PTPN18: variants seen among roughly 807,000 people sequenced by gnomAD.
PTPN18 encodes protein tyrosine phosphatase non-receptor type 18.
A neutral mutation model predicts 65.4 loss-of-function variants in PTPN18; 65 were observed. The observed-to-expected ratio is 0.99, with a 90% confidence interval of 0.81 to 1.22. The LOEUF is 1.22. Among genes scored for constraint, PTPN18 ranks in the 50% most tolerant of loss-of-function variants. PTPN18 has a pLI of 0.00. For synonymous variants in PTPN18, 255 were observed against 267.8 expected (o/e 0.95, Z 0.47); for missense variants, 616 against 646.5 (o/e 0.95, Z 0.51).
chr2:130,371,358 A>G, intron 12 of PTPN18, 71 bp downstream of exon 12: 1 of 1,318,304 alleles, frequency 7.6e-7, no homozygotes, highest in Non-Finnish European at 1.1e-6. Flanking sequence ...TCCTTGGAAC[A>G]CCAGTCCGTT....
intron 5 of PTPN18, among the ~76,000 whole-genome samples, chr2:130,367,050 A>ATT (rs57039741): frequency 0.022 from 2,306 of 104,058 alleles, 114 homozygotes; most frequent in African/African-American, 0.072. Context: ...GCTAATTTTA[A>ATT]TTTTTTTTTT....
chr2:130,356,204 A>G lies in PTPN18; in HGVS notation c.93+4A>G, dbSNP rs528610845. The G allele has an allele frequency of 2.7e-4, 359 of 1,318,162 alleles. 1 individual carries two copies. In the African/African-American group the frequency reaches 3.4e-3, roughly 12 times the overall value. 81.7% of individuals were successfully genotyped at this position (1,318,162 alleles called of 1,614,324 possible). A position where few individuals can be genotyped will look rare whatever the true frequency, so the allele number is the denominator to read the frequency against. On this transcript the variant is annotated splice_donor_region_variant and intron_variant, in intron 1 of 14. Transcript: ENST00000175756. ...AGTCCTCGCCGGCGAGTTCAGCGTG[A>G]GTGGCACACGGGGTCCGCGAGCGGC...
intron 6 of PTPN18, 102 bp from the exon 7 acceptor site, chr2:130,369,663 T>C (rs553203668): frequency 6.0e-4 from 751 of 1,246,864 alleles, no homozygotes; most frequent in Non-Finnish European, 8.0e-4. Context: ...TTTCTGTATT[T>C]GATTTTTTAA....
At chr2:130,361,512 C>CTT (rs1164838189) in intron 5 of PTPN18, among the ~76,000 whole-genome samples, 39 of 122,912 alleles carry the variant, frequency 3.2e-4, no homozygotes, top group African/African-American at 1.2e-3. Context: ...TCTTTTCTTT[C>CTT]TCTTTCTTTC....
chr2:130,359,318 T>C lies in PTPN18; in HGVS notation c.279+9T>C. 6.2e-7 allele frequency: 1 copy of C among 1,614,140 alleles called. No homozygotes were observed. Among genetic ancestry groups the C allele is most frequent in the Non-Finnish European group, 8.5e-7 (1 of 1,180,016 alleles). Reference sequence around the variant, plus strand: ...ATGGCAACTTCATCCGGGTGAGGGTTGGGGTCACGGAAGGAGGTGGACTGG... The same window carrying C: ...ATGGCAACTTCATCCGGGTGAGGGTCGGGGTCACGGAAGGAGGTGGACTGG... On this transcript the variant is annotated intron_variant, in intron 3 of 14. Coordinates refer to ENST00000175756, the MANE Select transcript of PTPN18 (RefSeq NM_014369.4).
At position 130,370,342 on chromosome 2, in the gene PTPN18, A is replaced by C. The variant is rs573235494; in HGVS notation, c.689+152A>C. Reference sequence around the variant, plus strand: ...GGACTGTAATTGTGAGCACTTGTTCAGCACAGACTCAGCTGGGGAATAAGC... The same window carrying C: ...GGACTGTAATTGTGAGCACTTGTTCCGCACAGACTCAGCTGGGGAATAAGC... On this transcript the variant is annotated intron_variant, in intron 8 of 14. Transcript: ENST00000175756. 1.2e-4 allele frequency: 144 copies of C among 1,249,592 alleles called. No individual in the cohort carries two copies. In the African/African-American group the frequency reaches 2.0e-3, roughly 17 times the overall value. 77.4% of individuals were successfully genotyped at this position (1,249,592 alleles called of 1,614,324 possible). A position where few individuals can be genotyped will look rare whatever the true frequency, so the allele number is the denominator to read the frequency against.
intron 5 of PTPN18, among the ~76,000 whole-genome samples, chr2:130,367,681 T>C (rs1680430432): frequency 6.6e-6 from 1 of 151,750 alleles, no homozygotes; most frequent in Non-Finnish European, 1.5e-5. Flanking sequence ...AAAAAAAAAT[T>C]TTTTTTTCTC....
chr2:130,357,968 AT>A (rs1680047441), intron 1 of PTPN18, among the ~76,000 whole-genome samples: 1 of 152,264 alleles, frequency 6.6e-6, no homozygotes, highest in South Asian at 2.1e-4. Flanking sequence ...AAAATATATA[AT>A]TATACAATAT....
Position 130,374,595 on chromosome 2 carries a change from C to T in PTPN18, c.*1371C>T, listed in dbSNP as rs754559732. 1 of 470,754 alleles carries T rather than the reference C, an allele frequency of 2.1e-6. No homozygotes were observed. The highest frequency in any genetic ancestry group is 1.5e-5 in the South Asian group (1 of 64,530). The allele number at this position is 470,754 out of a possible 1,614,324, so 29.2% of individuals were successfully genotyped here. On this transcript the variant is annotated 3_prime_UTR_variant, in exon 15 of 15. Coordinates refer to ENST00000175756, the MANE Select transcript of PTPN18 (RefSeq NM_014369.4). Reference sequence around the variant, plus strand: ...CACTGGTGTGGACAAATCTCCAAGTCACTGCAAAATGGAAAAAGTATAAGA... The same window carrying T: ...CACTGGTGTGGACAAATCTCCAAGTTACTGCAAAATGGAAAAAGTATAAGA...
At chr2:130,357,658 C>T (rs1045880760) in intron 1 of PTPN18, among the ~76,000 whole-genome samples, 2 of 152,094 alleles carry the variant, frequency 1.3e-5, no homozygotes, top group African/African-American at 4.8e-5. Flanking sequence ...AGATCCACAC[C>T]ATCCTGGCTA....
intron 5 of PTPN18, 75 bp downstream of exon 5, chr2:130,359,721 C>T: frequency 6.5e-7 from 1 of 1,527,878 alleles, no homozygotes; most frequent in South Asian, 1.1e-5. Flanking sequence ...TCCTCCTTGA[C>T]CCCAGGACCC....
chr2:130,373,329 AG>A lies in PTPN18; in HGVS notation c.*106del, dbSNP rs1680642561. On this transcript the variant is annotated 3_prime_UTR_variant, in exon 15 of 15. Transcript: ENST00000175756. This position sits in a 1 kb window ranked among gnomAD's most constrained non-coding sequence, Gnocchi z 4.1. ...AATGGAAACAGTGGGCCTGGATCAA[AG>A]TTAAAGTTTCTCAGGGTGGGAAATG... 8.4e-7 allele frequency: 1 copy of A among 1,194,676 alleles called. No individual in the cohort carries two copies. The highest frequency in any genetic ancestry group is 1.1e-6 in the Non-Finnish European group (1 of 875,232). 74.0% of individuals were successfully genotyped at this position (1,194,676 alleles called of 1,614,324 possible).
In PTPN18 at chr2:130,374,144, A is replaced by G. The variant is rs1680665242; in HGVS notation, c.*920A>G. 6.4e-6 allele frequency: 1 copy of G among 155,050 alleles called. No individual in the cohort carries two copies. Among genetic ancestry groups the G allele is most frequent in the Non-Finnish European group, 1.4e-5 (1 of 69,848 alleles). The allele number at this position is 155,050 out of a possible 1,614,324, so 9.6% of individuals were successfully genotyped here. ...TGATGGATGGACCCCAGCTAGTCAG[A>G]CATGATCCTCCAGATTGACAGACAA... On this transcript the variant is annotated 3_prime_UTR_variant, in exon 15 of 15. Coordinates refer to ENST00000175756, the MANE Select transcript of PTPN18 (RefSeq NM_014369.4).
chr2:130,364,058 G>A (rs574029512), intron 5 of PTPN18, among the ~76,000 whole-genome samples: 1 of 151,782 alleles, frequency 6.6e-6, no homozygotes, highest in African/African-American at 2.4e-5. Flanking sequence ...CCAGTTTATA[G>A]GTGCTGTGAG....
At position 130,359,465 on chromosome 2, in the gene PTPN18, G is replaced by A; in HGVS notation, c.348G>A (p.Trp116Ter). The change falls in exon 4 of 15, where the codon TGG (tryptophan) becomes TGA (stop). Residue 116 changes from tryptophan to a stop codon, truncating the protein, a stop_gained. Coordinates refer to ENST00000175756, the MANE Select transcript of PTPN18 (RefSeq NM_014369.4). LOFTEE classifies it high-confidence loss of function. ...TGCCTCACACCCTGCTAGACTTCTG[G>A]AGACTGGTCTGGGAGTTTGGGGTCA... ...GPLPHTLLDF[W>*]RLVWEFGVKV... 1 of 1,614,182 alleles carries A rather than the reference G, an allele frequency of 6.2e-7. No homozygotes were observed. The highest frequency in any genetic ancestry group is 8.5e-7 in the Non-Finnish European group (1 of 1,180,032).
At chr2:130,362,701 A>T (rs1198699345) in intron 5 of PTPN18, among the ~76,000 whole-genome samples, 2 of 152,226 alleles carry the variant, frequency 1.3e-5, no homozygotes, top group Admixed American at 6.5e-5. Flanking sequence ...TAGTTGTTTT[A>T]GAATATCTTT....
chr2:130,358,383 A>T (rs923247351), intron 1 of PTPN18, among the ~76,000 whole-genome samples: 57 of 152,356 alleles, frequency 3.7e-4, no homozygotes, highest in African/African-American at 1.2e-3. Context: ...GTTATCCATT[A>T]TAATGCCTAT....
chr2:130,365,078 CATAG>C (rs1022297978), intron 5 of PTPN18, among the ~76,000 whole-genome samples: 9 of 152,156 alleles, frequency 5.9e-5, no homozygotes, highest in Non-Finnish European at 8.8e-5. Flanking sequence ...CTTACACAAA[CATAG>C]ATAGTATATA....
chr2:130,372,435 C>A lies in PTPN18; in HGVS notation c.1192C>A (p.Arg398=), dbSNP rs1484196695. 4.4e-6 allele frequency: 6 copies of A among 1,366,194 alleles called. No individual in the cohort carries two copies. The highest frequency in any genetic ancestry group is 5.6e-6 in the Non-Finnish European group (6 of 1,066,450). 84.6% of individuals were successfully genotyped at this position (1,366,194 alleles called of 1,614,324 possible). A position where few individuals can be genotyped will look rare whatever the true frequency, so the allele number is the denominator to read the frequency against. The change falls in exon 13 of 15, where the codon CGA becomes AGA. Residue 398 remains arginine (R), a synonymous_variant. Coordinates refer to ENST00000175756, the MANE Select transcript of PTPN18 (RefSeq NM_014369.4). ...LYSKVTPRAQ[R]PGAHAEDARG... ...CAGCAAGGTGACGCCGCGCGCCCAG[C>A]GACCCGGGGCGCACGCGGAGGACGC...
Sources: allele counts gnomAD v4.1 joint callset (sites outside exome capture counted in the v4.1 genomes callset), GRCh38; gene constraint gnomAD v4.1.1; non-coding constraint Gnocchi (gnomAD v3.1); transcripts MANE v1.5; gene names NCBI Gene and HGNC (gene_info 2026-07-23, HGNC 2026-07-21).